PCDHA13: variants seen among roughly 807,000 people sequenced by gnomAD.
PCDHA13 encodes protocadherin alpha 13, also known as protocadherin alpha-13.
Under a neutral mutation model 64.8 loss-of-function variants are expected in PCDHA13, and 54 were observed. The observed-to-expected ratio is 0.83, with a 90% CI of 0.67 to 1.04. The LOEUF (loss-of-function observed/expected upper bound fraction) is 1.04. Among genes scored for constraint, PCDHA13 ranks in the 50% least tolerant of loss-of-function variants. The probability of loss-of-function intolerance (pLI) is 0.00; values close to 1 mark genes in which losing one functional copy is unlikely to be tolerated. For synonymous variants in PCDHA13, 587 were observed against 564.4 expected, an observed-to-expected ratio of 1.04 and a Z score of -0.57; for missense variants, 1,248 against 1,254.3, an observed-to-expected ratio of 0.99 and a Z score of 0.08.
intron 1 of PCDHA13, chr5:140,966,328 C>T: frequency 5.1e-6 from 2 of 392,484 alleles, no homozygotes; most frequent in Non-Finnish European, 9.0e-6. Context: ...CGCTGGGATC[C>T]GGCAGGTCCA....
intron 3 of PCDHA13, among the ~76,000 whole-genome samples, chr5:141,000,001 T>C (rs2097888294): frequency 6.6e-6 from 1 of 152,030 alleles, no homozygotes; most frequent in African/African-American, 2.4e-5. Flanking sequence ...TGGTATTAGA[T>C]TGGCCTCCCC....
At position 141,010,207 on chromosome 5, in the gene PCDHA13, A is replaced by C; in HGVS notation, c.*270A>C. The C allele has an allele frequency of 6.4e-7, 1 of 1,551,870 alleles. No homozygotes were observed. ...CCAAGTTTCCTTTCTCCTCCGCCGC[A>C]AAGGAGAGGCTTCCCAGCCCCGCCA... On this transcript the variant is annotated 3_prime_UTR_variant, in exon 4 of 4. Transcript: ENST00000289272.
chr5:141,008,654 C>T (rs1554261865), intron 3 of PCDHA13, among the ~76,000 whole-genome samples: 1 of 152,124 alleles, frequency 6.6e-6, no homozygotes, highest in Non-Finnish European at 1.5e-5. Context: ...TTCTGGAGTC[C>T]CACAATACTT....
chr5:140,935,230 CTA>C (rs1363291872), intron 1 of PCDHA13, among the ~76,000 whole-genome samples: 2 of 152,128 alleles, frequency 1.3e-5, no homozygotes, highest in African/African-American at 4.8e-5. Context: ...TAAGGGATGT[CTA>C]TTTTTTAAAA....
At position 140,969,365 on chromosome 5, in the gene PCDHA13, C is replaced by T. The variant is rs190730712; in HGVS notation, c.2395-9584C>T. The T allele has an allele frequency of 5.3e-5, 86 of 1,610,040 alleles. No homozygotes were observed. The African/African-American group carries it at 9.2e-4, about 17-fold the overall frequency. On this transcript the variant is annotated intron_variant, in intron 1 of 3. Transcript: ENST00000289272. ...GTGGTCAGGGGGTCTTCTACAAACT[C>T]ATGCATTTGTTACACATCCCCCAAT...
At chr5:140,966,356 C>G (rs1300973653) in intron 1 of PCDHA13, 2 of 400,342 alleles carry the variant, frequency 5.0e-6, no homozygotes, top group Non-Finnish European at 8.8e-6. Flanking sequence ...GGAGATGGGG[C>G]TGGAGAGGCT....
intron 2 of PCDHA13, among the ~76,000 whole-genome samples, chr5:140,981,204 A>G (rs782466772): frequency 2.6e-5 from 4 of 152,218 alleles, no homozygotes; most frequent in Non-Finnish European, 5.9e-5. Context: ...CTGTTGCCTC[A>G]TATAACCCCT....
intron 1 of PCDHA13, among the ~76,000 whole-genome samples, chr5:140,962,827 C>T (rs1229108981): frequency 6.6e-6 from 1 of 152,164 alleles, no homozygotes; most frequent in East Asian, 1.9e-4. Flanking sequence ...GACCATTTGT[C>T]TCTTTTTTAT....
chr5:140,964,812 T>C (rs2095855698), intron 1 of PCDHA13, among the ~76,000 whole-genome samples: 1 of 151,914 alleles, frequency 6.6e-6, no homozygotes, highest in Non-Finnish European at 1.5e-5. Flanking sequence ...GAGACAGGAA[T>C]AGATTTTGAT....
Position 140,883,205 on chromosome 5 carries a change from A to C in PCDHA13, c.937A>C (p.Lys313Gln). 1 of 1,614,036 alleles carries C rather than the reference A, an allele frequency of 6.2e-7. No individual in the cohort carries two copies. Among genetic ancestry groups the C allele is most frequent in the Non-Finnish European group, 8.5e-7 (1 of 1,180,028 alleles). ...AAAAGGCAAACTAGATTTCGAAGAA[A>C]AGAAATTATATGAAATATCCGTGGA... is the stretch of plus-strand genomic sequence containing the variant. The part of the protein sequence containing the change: ...RTKGKLDFEE[K>Q]KLYEISVEAV... Residue 313 changes from lysine to glutamine, a missense_variant, in exon 1 of 4, where the codon AAG becomes CAG. Transcript: ENST00000289272.
chr5:140,971,163 T>C (rs2096460132), intron 1 of PCDHA13, among the ~76,000 whole-genome samples: 1 of 152,180 alleles, frequency 6.6e-6, no homozygotes, highest in Non-Finnish European at 1.5e-5. Flanking sequence ...AGGCTCAGCT[T>C]TGCCACCAGC....
intron 1 of PCDHA13, among the ~76,000 whole-genome samples, chr5:140,894,634 T>C (rs1412183022): frequency 1.3e-5 from 2 of 151,970 alleles, no homozygotes; most frequent in Non-Finnish European, 2.9e-5. Flanking sequence ...TCCAATCATA[T>C]CATTACTGAG....
At chr5:140,975,560 A>T (rs1302523568) in intron 1 of PCDHA13, among the ~76,000 whole-genome samples, 1 of 152,238 alleles carries the variant, frequency 6.6e-6, no homozygotes, top group Non-Finnish European at 1.5e-5. Flanking sequence ...AAGGAAAAGG[A>T]GATATTATAT....
intron 1 of PCDHA13, among the ~76,000 whole-genome samples, chr5:140,944,014 C>A (rs1205860914): frequency 1.3e-5 from 2 of 152,022 alleles, no homozygotes; most frequent in African/African-American, 2.4e-5. Context: ...CCCCCAAAAG[C>A]AATTATCTTC....
At chr5:140,966,695 C>A in intron 1 of PCDHA13, 1 of 1,358,486 alleles carries the variant, frequency 7.4e-7, no homozygotes, top group Non-Finnish European at 9.5e-7. Flanking sequence ...AGGCGGGGCC[C>A]GGGCGTGGGG....
chr5:140,998,569 GT>G (rs71574497), intron 3 of PCDHA13, among the ~76,000 whole-genome samples: 30,440 of 149,318 alleles, frequency 0.2, 3,131 homozygotes, highest in Middle Eastern at 0.33. Flanking sequence ...TTGTAAATAA[GT>G]TTTTTTTTTT....
intron 1 of PCDHA13, chr5:140,967,146 AC>A: frequency 6.2e-7 from 1 of 1,610,972 alleles, no homozygotes; most frequent in Non-Finnish European, 8.5e-7. Context: ...CTGGCGCACA[AC>A]CCCGTGGCGG....
intron 3 of PCDHA13, among the ~76,000 whole-genome samples, chr5:140,984,079 G>A (rs1554245959): frequency 2.0e-5 from 3 of 152,244 alleles, no homozygotes; most frequent in Admixed American, 2.0e-4. Context: ...CAACGATGGA[G>A]TGAAGAAATG....
intron 1 of PCDHA13, among the ~76,000 whole-genome samples, chr5:140,920,866 A>G (rs1584205398): frequency 6.6e-6 from 1 of 151,760 alleles, no homozygotes; most frequent in African/African-American, 2.4e-5. Context: ...AAACAAACAA[A>G]CTGTGGCCCT....
Sources: allele counts gnomAD v4.1 joint callset (sites outside exome capture counted in the v4.1 genomes callset), GRCh38; gene constraint gnomAD v4.1.1; transcripts MANE v1.5; gene names NCBI Gene and HGNC (gene_info 2026-07-23, HGNC 2026-07-21).